SMYD3: variants seen among roughly 807,000 people sequenced by gnomAD.
The protein encoded by SMYD3 is histone-lysine N-methyltransferase SMYD3.
In SMYD3, 36 loss-of-function variants were observed where a neutral mutation model predicts 57.7. The observed-to-expected ratio is 0.62, with a 90% confidence interval of 0.48 to 0.82. The LOEUF is 0.82. Among genes scored for constraint, SMYD3 ranks in the 40% least tolerant of loss-of-function variants. The pLI is 0.00. For missense variants in SMYD3, 515 were observed against 538.8 expected (o/e 0.96, Z 0.44); for synonymous variants, 211 against 195.0 (o/e 1.08, Z -0.68).
At chr1:245,752,401 GGTTA>G (rs1322381874) in intron 11 of SMYD3, among the ~76,000 whole-genome samples, 7 of 152,108 alleles carry the variant, frequency 4.6e-5, no homozygotes, top group African/African-American at 1.7e-4. Flanking sequence ...TTGCCCTCCT[GGTTA>G]CATTCCCCAG....
intron 1 of SMYD3, among the ~76,000 whole-genome samples, chr1:246,419,813 G>GC (rs1446743401): frequency 1.3e-5 from 2 of 152,124 alleles, no homozygotes; most frequent in African/African-American, 4.8e-5. Flanking sequence ...GAAACCATCC[G>GC]CCCCCCTCAC....
At chr1:245,974,066 C>T (rs2058365428) in intron 5 of SMYD3, among the ~76,000 whole-genome samples, 1 of 152,078 alleles carries the variant, frequency 6.6e-6, no homozygotes, top group Non-Finnish European at 1.5e-5. Context: ...TCCTCCAGAC[C>T]CTGACTTGCT....
chr1:246,249,763 G>A (rs887548613), intron 5 of SMYD3, among the ~76,000 whole-genome samples: 5 of 152,140 alleles, frequency 3.3e-5, no homozygotes, highest in South Asian at 2.1e-4. Context: ...ATCAGGTCAC[G>A]TTAAGTCTAT....
chr1:246,455,580 T>A (rs4654258), intron 1 of SMYD3, among the ~76,000 whole-genome samples: 34,989 of 152,154 alleles, frequency 0.23, 4,277 homozygotes, highest in Middle Eastern at 0.31. Context: ...CCAGATACTA[T>A]AGAAAAGCCA....
chr1:246,147,116 A>G lies in SMYD3; in HGVS notation c.531+180085T>C, dbSNP rs192148257. On this transcript the variant is annotated intron_variant, in intron 5 of 11. Coordinates refer to ENST00000490107, the MANE Select transcript of SMYD3 (RefSeq NM_001167740.2). Reference sequence around the variant, plus strand: ...CACCATTTTGCTTCCATCCGAGTCCATATGTTCGCTGGTCAGGTTAAAACT... The same window carrying G: ...CACCATTTTGCTTCCATCCGAGTCCGTATGTTCGCTGGTCAGGTTAAAACT... Among the ~76,000 whole-genome samples the G allele has an allele frequency of 1.3e-3, 204 of 152,306 alleles. 1 individual carries two copies. The highest frequency in any genetic ancestry group is 4.4e-3 in the African/African-American group (183 of 41,560).
At chr1:246,154,088 A>G (rs2061984270) in intron 5 of SMYD3, among the ~76,000 whole-genome samples, 1 of 152,202 alleles carries the variant, frequency 6.6e-6, no homozygotes, top group Non-Finnish European at 1.5e-5. Flanking sequence ...CAAGTTTACT[A>G]AAGGCAATCC....
At chr1:245,887,032 C>T (rs1224660875) in intron 8 of SMYD3, among the ~76,000 whole-genome samples, 1 of 152,174 alleles carries the variant, frequency 6.6e-6, no homozygotes, top group Admixed American at 6.5e-5. Flanking sequence ...TGAACCAGAG[C>T]AACTCCATCT....
At position 246,361,169 on chromosome 1, in the gene SMYD3, C is replaced by CA. The variant is rs1326787457; in HGVS notation, c.165-6076dup. On this transcript the variant is annotated intron_variant, in intron 1 of 11. Transcript: ENST00000490107. ...CAGACAATTCTCAAAAGAAGATATACAAATGGCCAACAAGCATATGGAAAA... is the reference window on the plus strand; with the variant it reads ...CAGACAATTCTCAAAAGAAGATATACAAAATGGCCAACAAGCATATGGAAAA... Among the ~76,000 whole-genome samples, 4 of 152,226 alleles carry CA rather than the reference C, an allele frequency of 2.6e-5. No individual in the cohort carries two copies. The East Asian group carries it at 7.7e-4, about 29-fold the overall frequency.
intron 1 of SMYD3, among the ~76,000 whole-genome samples, chr1:246,375,537 A>C (rs995804796): frequency 2.0e-5 from 3 of 152,068 alleles, no homozygotes; most frequent in South Asian, 2.1e-4. Flanking sequence ...CCTTGTCAGT[A>C]AACAGTACAG....
intron 5 of SMYD3, among the ~76,000 whole-genome samples, chr1:246,062,376 AC>A (rs780870917): frequency 3.9e-5 from 6 of 152,294 alleles, no homozygotes; most frequent in Non-Finnish European, 7.4e-5. Flanking sequence ...AATTTAGAGC[AC>A]CTCTCCACAG....
rs142334679 is a variant in SMYD3 at position 246,248,205 on chromosome 1, T to C, written c.531+78996A>G. Among the ~76,000 whole-genome samples, 11 of 152,304 alleles carry C rather than the reference T, an allele frequency of 7.2e-5. No individual in the cohort carries two copies. In the East Asian group the frequency reaches 2.1e-3, roughly 29 times the overall value. Reference sequence around the variant, plus strand: ...TAAGAAAATAAGGTTGGAGCCAATATGACAAGAACTGATGATGTAACGATT... The same window carrying C: ...TAAGAAAATAAGGTTGGAGCCAATACGACAAGAACTGATGATGTAACGATT... On this transcript the variant is annotated intron_variant, in intron 5 of 11. Transcript: ENST00000490107.
intron 5 of SMYD3, among the ~76,000 whole-genome samples, chr1:246,174,357 T>C (rs937854638): frequency 2.0e-5 from 3 of 152,198 alleles, no homozygotes; most frequent in Non-Finnish European, 2.9e-5. Flanking sequence ...CCCCGCTCTA[T>C]TATAATATTA....
chr1:246,253,119 T>G (rs1210999614), intron 5 of SMYD3, among the ~76,000 whole-genome samples: 3 of 150,226 alleles, frequency 2.0e-5, no homozygotes, highest in Non-Finnish European at 4.4e-5. Context: ...GGGATTGTTG[T>G]GTTTTGAACT....
intron 8 of SMYD3, among the ~76,000 whole-genome samples, chr1:245,901,210 C>T (rs1235398334): frequency 2.6e-5 from 4 of 152,122 alleles, no homozygotes; most frequent in African/African-American, 9.7e-5. Flanking sequence ...GGTTTTGCCA[C>T]TTTTTCCTTT....
intron 5 of SMYD3, among the ~76,000 whole-genome samples, chr1:246,117,183 G>A (rs971998266): frequency 2.6e-5 from 4 of 152,202 alleles, no homozygotes; most frequent in African/African-American, 7.2e-5. Context: ...CGCAGTATCT[G>A]TATAAATGGA....
chr1:245,845,692 AT>A (rs1171263188), intron 10 of SMYD3, among the ~76,000 whole-genome samples: 1 of 152,188 alleles, frequency 6.6e-6, no homozygotes, highest in East Asian at 1.9e-4. Flanking sequence ...GCAAAGCTCA[AT>A]CCCCAGTGCA....
chr1:246,129,995 C>T (rs894412932), intron 5 of SMYD3, among the ~76,000 whole-genome samples: 8 of 152,074 alleles, frequency 5.3e-5, no homozygotes, highest in Non-Finnish European at 1.5e-5. Flanking sequence ...TGTTTAAAGG[C>T]AGAGAGAAGA....
intron 10 of SMYD3, among the ~76,000 whole-genome samples, chr1:245,822,228 T>G (rs2049201581): frequency 1.3e-5 from 2 of 151,864 alleles, no homozygotes; most frequent in South Asian, 4.2e-4. Context: ...TACAAAATGA[T>G]GAGTTCATGT....
chr1:246,381,298 G>A (rs2066382224), intron 1 of SMYD3, among the ~76,000 whole-genome samples: 1 of 152,048 alleles, frequency 6.6e-6, no homozygotes, highest in African/African-American at 2.4e-5. Flanking sequence ...AGTGCCCAGC[G>A]AATATCTGGT....
Sources: allele counts gnomAD v4.1 joint callset (sites outside exome capture counted in the v4.1 genomes callset), GRCh38; gene constraint gnomAD v4.1.1; transcripts MANE v1.5; gene names NCBI Gene and HGNC (gene_info 2026-07-23, HGNC 2026-07-21).